The following GRM5 variants were observed in gnomAD, a reference collection of about 807,000 sequenced individuals.
GRM5 encodes the protein metabotropic glutamate receptor 5.
A neutral mutation model predicts 83.1 loss-of-function variants in GRM5; 19 were observed. The ratio of observed to expected loss-of-function variants is 0.23; its 90% CI spans 0.16 to 0.34. The LOEUF (loss-of-function observed/expected upper bound fraction) is 0.34, where lower values mean the gene tolerates loss of function less well. Ranked by LOEUF, GRM5 falls within the 10% of genes least tolerant of loss-of-function variation. GRM5 has a pLI of 1.00. For synonymous variants in GRM5, 675 were observed against 633.6 expected, an observed-to-expected ratio of 1.07 and a Z score of -0.98; for missense variants, 1,160 against 1,588.3, an observed-to-expected ratio of 0.73 and a Z score of 4.58.
chr11:88,813,529 G>A (rs1474713908), intron 3 of GRM5, among the ~76,000 whole-genome samples: 4 of 151,982 alleles, frequency 2.6e-5, no homozygotes, highest in Non-Finnish European at 5.9e-5. Flanking sequence ...AAACATTTTG[G>A]GGCTCATGTT....
intron 3 of GRM5, among the ~76,000 whole-genome samples, chr11:88,727,809 A>T (rs1941716563): frequency 1.3e-5 from 2 of 152,230 alleles, no homozygotes; most frequent in South Asian, 4.1e-4. Context: ...TTAAGGCAGA[A>T]ATAAATAAGT....
chr11:88,877,399 G>T (rs1332781945), intron 2 of GRM5, among the ~76,000 whole-genome samples: 1 of 152,058 alleles, frequency 6.6e-6, no homozygotes, highest in Non-Finnish European at 1.5e-5. Flanking sequence ...TGAAGCAAGG[G>T]CGACTCATAC....
intron 2 of GRM5, among the ~76,000 whole-genome samples, chr11:88,904,791 G>A (rs555041248): frequency 1.3e-5 from 2 of 152,134 alleles, no homozygotes; most frequent in East Asian, 3.9e-4. Context: ...CATATTCACA[G>A]GTTTACACAG....
chr11:88,548,659 C>G (rs1166190408), intron 8 of GRM5, among the ~76,000 whole-genome samples: 1 of 152,162 alleles, frequency 6.6e-6, no homozygotes, highest in Non-Finnish European at 1.5e-5. Context: ...AACATTACAA[C>G]CTGCCAGATC....
chr11:88,901,834 T>G (rs542910062), intron 2 of GRM5, among the ~76,000 whole-genome samples: 11 of 152,112 alleles, frequency 7.2e-5, no homozygotes, highest in African/African-American at 2.2e-4. Context: ...TGACGATACC[T>G]TTTCCGAATG....
intron 3 of GRM5, among the ~76,000 whole-genome samples, chr11:88,817,448 T>C (rs1943712301): frequency 6.6e-6 from 1 of 152,126 alleles, no homozygotes; most frequent in African/African-American, 2.4e-5. Context: ...CCTGAAAAAT[T>C]ATTTTCCAGT....
At chr11:89,056,955 A>G (rs1253959534) in intron 1 of GRM5, among the ~76,000 whole-genome samples, 3 of 152,144 alleles carry the variant, frequency 2.0e-5, no homozygotes, top group Admixed American at 1.3e-4. Context: ...ACACTCTCAT[A>G]TTATATCCTA....
intron 2 of GRM5, among the ~76,000 whole-genome samples, chr11:88,939,243 T>C (rs1185736066): frequency 6.6e-6 from 1 of 151,772 alleles, no homozygotes; most frequent in African/African-American, 2.4e-5. Flanking sequence ...CTCAATTTTG[T>C]TTTGTTTTTA....
chr11:88,891,803 A>G (rs1945148769), intron 2 of GRM5, among the ~76,000 whole-genome samples: 1 of 152,062 alleles, frequency 6.6e-6, no homozygotes, highest in Non-Finnish European at 1.5e-5. Flanking sequence ...CAGATTTCCA[A>G]TAGCTTTGAA....
chr11:89,064,884 C>CTGTGTGTGTG (rs1942064657), intron 1 of GRM5, among the ~76,000 whole-genome samples: 2 of 62,654 alleles, frequency 3.2e-5, no homozygotes, highest in African/African-American at 1.2e-4. Context: ...CTCTCTCTCT[C>CTGTGTGTGTG]TCTCTGTGTG....
chr11:89,048,627 A>G (rs1462684978), intron 1 of GRM5, among the ~76,000 whole-genome samples: 1 of 152,234 alleles, frequency 6.6e-6, no homozygotes, highest in Non-Finnish European at 1.5e-5. Context: ...AAGTTGAATA[A>G]TCTTCTCAGG....
intron 8 of GRM5, among the ~76,000 whole-genome samples, chr11:88,560,425 C>T (rs959769893): frequency 6.6e-6 from 1 of 152,034 alleles, no homozygotes; most frequent in African/African-American, 2.4e-5. Flanking sequence ...CTGAGGGCTT[C>T]CCAAAGATTG....
chr11:88,798,371 G>A (rs1943322159), intron 3 of GRM5, among the ~76,000 whole-genome samples: 1 of 152,072 alleles, frequency 6.6e-6, no homozygotes, highest in African/African-American at 2.4e-5. Context: ...GTAAAGCACT[G>A]TATTTGTTGC....
intron 3 of GRM5, among the ~76,000 whole-genome samples, chr11:88,767,918 A>C (rs1942654576): frequency 6.6e-6 from 1 of 152,024 alleles, no homozygotes; most frequent in African/African-American, 2.4e-5. Flanking sequence ...GGATAGCAAC[A>C]CTATAAAAAG....
intron 2 of GRM5, among the ~76,000 whole-genome samples, chr11:88,906,367 G>C (rs1298858227): frequency 2.6e-5 from 4 of 151,966 alleles, no homozygotes; most frequent in Non-Finnish European, 2.9e-5. Flanking sequence ...AAATTTTGAG[G>C]ACATTCGTAC....
At chr11:88,580,612 T>C (rs1943199129) in intron 7 of GRM5, among the ~76,000 whole-genome samples, 1 of 152,196 alleles carries the variant, frequency 6.6e-6, no homozygotes, top group South Asian at 2.1e-4. Flanking sequence ...GCAGGTGCTG[T>C]GTAGTATTGT....
intron 5 of GRM5, 43 bp downstream of exon 5, chr11:88,604,675 T>A: frequency 6.6e-7 from 1 of 1,521,844 alleles, no homozygotes; most frequent in Non-Finnish European, 9.1e-7. Context: ...GAGTTGGCTG[T>A]TATTCAGTCT....
intron 2 of GRM5, among the ~76,000 whole-genome samples, chr11:88,915,598 T>TA (rs569994564): frequency 7.1e-4 from 108 of 152,240 alleles, no homozygotes; most frequent in Middle Eastern, 3.4e-3. Flanking sequence ...ATATTATTAA[T>TA]ATATAATGCA....
chr11:88,621,056 C>T (rs1035152161), intron 4 of GRM5, among the ~76,000 whole-genome samples: 1 of 152,170 alleles, frequency 6.6e-6, no homozygotes, highest in Non-Finnish European at 1.5e-5. Context: ...GATACCATAT[C>T]TCTCATTCAC....
Sources: allele counts gnomAD v4.1 joint callset (sites outside exome capture counted in the v4.1 genomes callset), GRCh38; gene constraint gnomAD v4.1.1; transcripts MANE v1.5; gene names NCBI Gene and HGNC (gene_info 2026-07-23, HGNC 2026-07-21).